Variants in APLF observed in about 807,000 individuals in gnomAD.
The protein encoded by APLF is aprataxin and PNK-like factor.
APLF carries 61 observed loss-of-function variants against 55.6 expected under a neutral mutation model. That is an observed-to-expected ratio of 1.10 (90% confidence interval 0.89 to 1.36). The LOEUF is 1.36. APLF is among the 40% of genes most tolerant of loss of function. The pLI, the probability that APLF is intolerant of heterozygous loss-of-function variation, is 0.00. For synonymous variants in APLF, 207 were observed against 214.8 expected (o/e 0.96, Z 0.32); for missense variants, 611 against 602.5 (o/e 1.01, Z -0.15).
intron 5 of APLF, among the ~76,000 whole-genome samples, chr2:68,515,361 G>A (rs10209057): frequency 0.095 from 14,342 of 151,486 alleles, 822 homozygotes; most frequent in African/African-American, 0.15. Context: ...GGAAGGAAAT[G>A]GGGAATTGTA....
At chr2:68,545,436 T>G in intron 8 of APLF, 124 bp downstream of exon 8, 1 of 1,238,212 alleles carries the variant, frequency 8.1e-7, no homozygotes, top group Non-Finnish European at 1.1e-6. Flanking sequence ...TTCTGTAGAT[T>G]ACAGGTTTTC....
At chr2:68,470,466 G>A (rs1675584129) in intron 1 of APLF, among the ~76,000 whole-genome samples, 1 of 152,034 alleles carries the variant, frequency 6.6e-6, no homozygotes, top group African/African-American at 2.4e-5. Context: ...TACCATTAGG[G>A]GAAACTGGAT....
At chr2:68,574,319 A>G (rs551089981) in intron 9 of APLF, among the ~76,000 whole-genome samples, 3 of 152,308 alleles carry the variant, frequency 2.0e-5, no homozygotes, top group African/African-American at 7.2e-5. Context: ...TGTTTTATAT[A>G]ACATTTAAAG....
Position 68,545,373 on chromosome 2 carries a change from GA to G in APLF, c.1286+62del, listed in dbSNP as rs1206880814. 6.5e-6 allele frequency: 10 copies of G among 1,536,176 alleles called. No homozygotes were observed. The African/African-American group carries it at 1.2e-4, about 19-fold the overall frequency. ...TTTCTTATCTCTGTTACTTATCTAG[GA>G]GAAACTGACAGCAGCTTGTTATCTC... is the stretch of plus-strand genomic sequence containing the variant. On this transcript the variant is annotated intron_variant, in intron 8 of 9. Transcript: ENST00000303795.
intron 3 of APLF, among the ~76,000 whole-genome samples, chr2:68,511,490 C>T (rs1237543186): frequency 2.0e-5 from 3 of 151,452 alleles, no homozygotes; most frequent in Non-Finnish European, 4.4e-5. Flanking sequence ...ATAAAAATTA[C>T]ATATGGACTA....
intron 1 of APLF, among the ~76,000 whole-genome samples, chr2:68,472,291 G>A (rs111685109): frequency 0.025 from 3,876 of 152,290 alleles, 65 homozygotes; most frequent in South Asian, 0.043. Context: ...ATTCTCTATA[G>A]AATGTGGGTT....
At chr2:68,515,760 C>A in intron 5 of APLF, 3 of 977,510 alleles carry the variant, frequency 3.1e-6, no homozygotes, top group Non-Finnish European at 3.6e-6. Flanking sequence ...AAACTAAGAC[C>A]GTGGGAGAAG....
chr2:68,535,338 C>T (rs1276429037), intron 6 of APLF: 3 of 427,452 alleles, frequency 7.0e-6, no homozygotes, highest in Non-Finnish European at 1.4e-5. Flanking sequence ...TAATGAAAAC[C>T]TCCATTTGCC....
At chr2:68,535,847 G>C (rs1040457504) in intron 6 of APLF, among the ~76,000 whole-genome samples, 1 of 152,114 alleles carries the variant, frequency 6.6e-6, no homozygotes, top group East Asian at 1.9e-4. Context: ...TTAAGGTTAA[G>C]AGAAGTGCAG....
chr2:68,514,566 A>G (rs1286557792), intron 5 of APLF, among the ~76,000 whole-genome samples: 1 of 151,778 alleles, frequency 6.6e-6, no homozygotes, highest in Non-Finnish European at 1.5e-5. Flanking sequence ...CTTGGGCCCC[A>G]TACAAATGTA....
intron 8 of APLF, among the ~76,000 whole-genome samples, chr2:68,548,373 A>G (rs1018084967): frequency 1.3e-5 from 2 of 151,956 alleles, no homozygotes; most frequent in African/African-American, 4.8e-5. Flanking sequence ...TATATCTAGA[A>G]CACATGAAAA....
chr2:68,556,253 A>G (rs929341987), intron 8 of APLF, among the ~76,000 whole-genome samples: 1 of 152,202 alleles, frequency 6.6e-6, no homozygotes, highest in South Asian at 2.1e-4. Context: ...GGTGCAGTGT[A>G]TGCTGCTCGG....
At chr2:68,556,966 A>C (rs1218621190) in intron 8 of APLF, among the ~76,000 whole-genome samples, 2 of 152,160 alleles carry the variant, frequency 1.3e-5, no homozygotes, top group Non-Finnish European at 2.9e-5. Context: ...GTAAATCAAT[A>C]ATTTTTTATT....
chr2:68,578,199 G>A lies in APLF; in HGVS notation c.*177G>A, dbSNP rs577033386. ...AACGTCAGCCTTCAGTATAATAGAT[G>A]GAATTTTTTGTTGCCTTGCCTTTTC... On this transcript the variant is annotated 3_prime_UTR_variant, in exon 10 of 10. Transcript: ENST00000303795. 1.8e-3 allele frequency: 2,380 copies of A among 1,343,510 alleles called. 2 individuals are homozygous for A. The highest frequency in any genetic ancestry group is 2.1e-3 in the Non-Finnish European group (2,212 of 1,047,646). The allele number at this position is 1,343,510 out of a possible 1,614,324, so 83.2% of individuals were successfully genotyped here. A position where few individuals can be genotyped will look rare whatever the true frequency, so the allele number is the denominator to read the frequency against.
At chr2:68,522,289 T>C (rs1326072501) in intron 5 of APLF, among the ~76,000 whole-genome samples, 2 of 151,894 alleles carry the variant, frequency 1.3e-5, no homozygotes, top group Non-Finnish European at 1.5e-5. Flanking sequence ...AATGTTTTGG[T>C]ATAGAAATAG....
chr2:68,528,337 C>G, intron 6 of APLF: 1 of 1,499,168 alleles, frequency 6.7e-7, no homozygotes, highest in South Asian at 1.2e-5. Context: ...TGTTGCCCTG[C>G]TGGAGGCGTC....
At chr2:68,553,986 A>T (rs985415956) in intron 8 of APLF, among the ~76,000 whole-genome samples, 5 of 152,018 alleles carry the variant, frequency 3.3e-5, no homozygotes, top group Admixed American at 6.6e-5. Context: ...CACCTAGGTG[A>T]TCTCAGATGT....
chr2:68,570,191 G>C (rs1277359695), intron 9 of APLF, among the ~76,000 whole-genome samples: 2 of 151,534 alleles, frequency 1.3e-5, no homozygotes, highest in African/African-American at 4.8e-5. Flanking sequence ...TTTTATTTAA[G>C]TCTCCACACT....
chr2:68,484,040 A>T (rs1197301264), intron 1 of APLF, among the ~76,000 whole-genome samples: 1 of 152,144 alleles, frequency 6.6e-6, no homozygotes, highest in Non-Finnish European at 1.5e-5. Context: ...CGTTTTTAGA[A>T]TTTTGAGAAT....
Sources: gnomAD v4.1 joint callset for allele counts (sites outside exome capture counted in the v4.1 genomes callset) on GRCh38, gnomAD v4.1.1 for gene constraint, MANE v1.5 for transcripts, NCBI Gene and HGNC (gene_info 2026-07-23, HGNC 2026-07-21) for gene names.